Variants in KCND2 observed in about 807,000 individuals in gnomAD.
KCND2 encodes A-type voltage-gated potassium channel KCND2.
A neutral mutation model predicts 54.4 loss-of-function variants in KCND2; 16 were observed. The ratio of observed to expected loss-of-function variants is 0.29; its 90% CI spans 0.20 to 0.45. The LOEUF (loss-of-function observed/expected upper bound fraction) is 0.45. KCND2 is among the 20% of genes least tolerant of loss of function. The pLI is 1.00. For missense variants in KCND2, 486 were observed against 824.2 expected (o/e 0.59, Z 5.02); for synonymous variants, 317 against 310.7 (o/e 1.02, Z -0.21).
chr7:120,484,180 G>C (rs1354137400), intron 1 of KCND2, among the ~76,000 whole-genome samples: 8 of 152,106 alleles, frequency 5.3e-5, no homozygotes, highest in African/African-American at 1.9e-4. Context: ...GGCAGGACTC[G>C]TGAGGGTACA....
intron 2 of KCND2, among the ~76,000 whole-genome samples, chr7:120,737,183 C>G (rs1792885478): frequency 1.3e-5 from 2 of 151,698 alleles, no homozygotes; most frequent in Non-Finnish European, 2.9e-5. Flanking sequence ...TAATAAATTC[C>G]CAGGTGATGC....
intron 1 of KCND2, among the ~76,000 whole-genome samples, chr7:120,282,032 G>A (rs1799271975): frequency 6.6e-6 from 1 of 152,006 alleles, no homozygotes; most frequent in Non-Finnish European, 1.5e-5. Flanking sequence ...AGAATTAATG[G>A]CTACCAGTTG....
At chr7:120,638,815 G>T (rs561016184) in intron 1 of KCND2, among the ~76,000 whole-genome samples, 8 of 152,200 alleles carry the variant, frequency 5.3e-5, no homozygotes, top group Non-Finnish European at 1.0e-4. Context: ...AAATGTAAAA[G>T]ACTATTAAAA....
intron 1 of KCND2, among the ~76,000 whole-genome samples, chr7:120,407,687 T>C (rs527903352): frequency 2.6e-4 from 39 of 151,442 alleles, no homozygotes; most frequent in African/African-American, 9.2e-4. Context: ...AATATTCAGT[T>C]ATTATGTAGT....
intron 1 of KCND2, among the ~76,000 whole-genome samples, chr7:120,607,696 C>T (rs1291328885): frequency 6.6e-6 from 1 of 151,774 alleles, no homozygotes; most frequent in Admixed American, 6.6e-5. Context: ...AATGGGATAT[C>T]GATCATGAGA....
At chr7:120,337,718 T>C (rs2116359803) in intron 1 of KCND2, among the ~76,000 whole-genome samples, 1 of 152,290 alleles carries the variant, frequency 6.6e-6, no homozygotes, top group South Asian at 2.1e-4. Context: ...AGCACAAGTC[T>C]AGAAAGAGCA....
intron 1 of KCND2, among the ~76,000 whole-genome samples, chr7:120,434,186 C>T (rs1235887839): frequency 6.6e-6 from 1 of 152,184 alleles, no homozygotes; most frequent in Non-Finnish European, 1.5e-5. Flanking sequence ...CCGTCTTACT[C>T]CCAGACCTCA....
intron 1 of KCND2, among the ~76,000 whole-genome samples, chr7:120,472,689 G>C (rs1314828341): frequency 6.6e-6 from 1 of 152,062 alleles, no homozygotes; most frequent in East Asian, 1.9e-4. Flanking sequence ...CTCAAGCTTT[G>C]CAACAGACTA....
chr7:120,563,075 C>T (rs1409218787), intron 1 of KCND2, among the ~76,000 whole-genome samples: 3 of 152,060 alleles, frequency 2.0e-5, no homozygotes, highest in Admixed American at 1.3e-4. Flanking sequence ...ATTTTAGACC[C>T]TGATTAAGCC....
intron 1 of KCND2, among the ~76,000 whole-genome samples, chr7:120,419,000 C>A (rs975960788): frequency 2.0e-5 from 3 of 152,100 alleles, no homozygotes. Flanking sequence ...AGTCAGGAAA[C>A]CCTTACCCAA....
chr7:120,609,464 C>T (rs2116484408), intron 1 of KCND2, among the ~76,000 whole-genome samples: 1 of 152,236 alleles, frequency 6.6e-6, no homozygotes. Context: ...TATGGTCTAA[C>T]CATCTTTGGG....
intron 1 of KCND2, among the ~76,000 whole-genome samples, chr7:120,653,107 A>G (rs1488407312): frequency 2.0e-5 from 3 of 151,896 alleles, no homozygotes. Context: ...ATCTTGGCTC[A>G]CTGCAACCTC....
intron 1 of KCND2, among the ~76,000 whole-genome samples, chr7:120,310,982 AT>A (rs1439428424): frequency 6.6e-6 from 1 of 151,798 alleles, no homozygotes; most frequent in Non-Finnish European, 1.5e-5. Context: ...TGTATTACAT[AT>A]ATTGCTTGTA....
At chr7:120,697,557 T>G (rs1181808053) in intron 1 of KCND2, among the ~76,000 whole-genome samples, 2 of 152,084 alleles carry the variant, frequency 1.3e-5, no homozygotes, top group Non-Finnish European at 2.9e-5. Flanking sequence ...TTCATGCATG[T>G]GATGATATAC....
At chr7:120,697,511 G>C (rs1584887758) in intron 1 of KCND2, among the ~76,000 whole-genome samples, 1 of 152,296 alleles carries the variant, frequency 6.6e-6, no homozygotes, top group South Asian at 2.1e-4. Flanking sequence ...AGCTTTTACA[G>C]AGTATAATTT....
chr7:120,328,829 G>T (rs1331669499), intron 1 of KCND2, among the ~76,000 whole-genome samples: 1 of 152,008 alleles, frequency 6.6e-6, no homozygotes, highest in Non-Finnish European at 1.5e-5. Context: ...TGTAAATTAT[G>T]CAAGTTAGCA....
Position 120,646,795 on chromosome 7 carries a change from C to T in KCND2, c.1116-86108C>T, listed in dbSNP as rs553169630. On this transcript the variant is annotated intron_variant, in intron 1 of 5. Transcript: ENST00000331113. ...GTACTGAATTGGTACAGACCATATT[C>T]CTTTAGAAAGATAACAATTTAGAAA... Among the ~76,000 whole-genome samples the T allele has an allele frequency of 2.6e-4, 40 of 152,308 alleles. 1 individual carries two copies. The highest frequency in any genetic ancestry group is 6.8e-3 in the Middle Eastern group (2 of 294).
chr7:120,678,738 GTATATATATA>G (rs66483423), intron 1 of KCND2, among the ~76,000 whole-genome samples: 314 of 115,786 alleles, frequency 2.7e-3, no homozygotes, highest in Middle Eastern at 5.9e-3. Flanking sequence ...GTGTGTGAGT[GTATATATATA>G]TATATATATA....
intron 1 of KCND2, among the ~76,000 whole-genome samples, chr7:120,549,780 G>A (rs1397012026): frequency 2.0e-5 from 3 of 152,078 alleles, no homozygotes; most frequent in African/African-American, 7.2e-5. Context: ...GCATTAATGG[G>A]AGTTGCCTGA....
Sources: allele counts gnomAD v4.1 joint callset (sites outside exome capture counted in the v4.1 genomes callset), GRCh38; gene constraint gnomAD v4.1.1; transcripts MANE v1.5; gene names NCBI Gene and HGNC (gene_info 2026-07-23, HGNC 2026-07-21).